Variants in DMD observed in about 807,000 individuals in gnomAD.
DMD encodes dystrophin, also known as mutant dystrophin.
In DMD, 63 loss-of-function variants were observed where a neutral mutation model predicts 330.1. The observed-to-expected ratio is 0.19, with a 90% confidence interval of 0.16 to 0.24. DMD has a LOEUF of 0.24. Among genes scored for constraint, DMD ranks in the 10% least tolerant of loss-of-function variants. DMD has a pLI of 1.00. For synonymous variants in DMD, 1,223 were observed against 959.8 expected (o/e 1.27, Z -5.07); for missense variants, 3,344 against 2,684.1 (o/e 1.25, Z -5.43).
In DMD at chrX:31,162,715, A is replaced by G. The variant is rs1336770907; in HGVS notation, c.10553+6728T>C. 2.7e-5 allele frequency among the ~76,000 whole-genome samples: 3 copies of G among 111,782 alleles called. No homozygotes were observed. In the East Asian group the frequency reaches 8.3e-4, roughly 31 times the overall value. ...AAAAAGCTTTAAGGCAACCTTGATA[A>G]CATTTTAATACAAGGCAGTTAAAAA... On this transcript the variant is annotated intron_variant, in intron 74 of 78. Coordinates refer to ENST00000357033, the MANE Select transcript of DMD (RefSeq NM_004006.3).
chrX:33,268,919 A>G (rs1282120467), intron 1 of DMD, among the ~76,000 whole-genome samples: 1 of 109,138 alleles, frequency 9.2e-6, no homozygotes, highest in Non-Finnish European at 1.9e-5. Context: ...AAAAAAAAAA[A>G]AAAAAAAAAA....
chrX:32,407,688 G>A (rs1228226462), intron 30 of DMD, among the ~76,000 whole-genome samples: 1 of 110,242 alleles, frequency 9.1e-6, no homozygotes, highest in Non-Finnish European at 1.9e-5. Context: ...GTTTATTGCG[G>A]CACTATTCTC....
chrX:31,770,439 T>A (rs922594111), intron 51 of DMD, among the ~76,000 whole-genome samples: 3 of 105,950 alleles, frequency 2.8e-5, no homozygotes, highest in African/African-American at 1.0e-4. Flanking sequence ...ATTCCTCTGA[T>A]ATACTCTGTT....
At chrX:31,908,109 C>T (rs756060402) in intron 47 of DMD, among the ~76,000 whole-genome samples, 106 of 111,996 alleles carry the variant, frequency 9.5e-4, no homozygotes, top group African/African-American at 3.2e-3. Flanking sequence ...ACTTTCACAC[C>T]GTTGGTGGGA....
intron 30 of DMD, among the ~76,000 whole-genome samples, chrX:32,398,413 T>G (rs1054513684): frequency 5.4e-5 from 6 of 110,627 alleles, no homozygotes; most frequent in East Asian, 5.7e-4. Context: ...CCTTGACATA[T>G]GAGTTTTGTG....
At chrX:31,502,091 A>G (rs1371888569) in intron 56 of DMD, among the ~76,000 whole-genome samples, 1 of 111,500 alleles carries the variant, frequency 9.0e-6, no homozygotes, top group Non-Finnish European at 1.9e-5. Context: ...CTAGACCCCT[A>G]TCTCTCACCA....
intron 1 of DMD, among the ~76,000 whole-genome samples, chrX:33,232,554 A>G (rs909531931): frequency 1.8e-5 from 2 of 111,724 alleles, no homozygotes; most frequent in East Asian, 2.8e-4. Context: ...TTCAAGTTCA[A>G]CTTCACTTGG....
In DMD at chrX:32,310,071, T is replaced by C. The variant is rs1303288898; in HGVS notation, c.6117+11A>G. The C allele has an allele frequency of 2.5e-6, 3 of 1,201,603 alleles. No homozygotes were observed. Among genetic ancestry groups the C allele is most frequent in the African/African-American group, 1.7e-5 (1 of 57,495 alleles). On this transcript the variant is annotated intron_variant, in intron 42 of 78. Transcript: ENST00000357033. ...CCTTGTAAAATACGAATGAAAGTGC[T>C]TTGGTTTTACCTTCAGAGACTCCTC...
At chrX:32,632,624 T>C (rs1313052355) in intron 11 of DMD, among the ~76,000 whole-genome samples, 1 of 111,654 alleles carries the variant, frequency 9.0e-6, no homozygotes, top group Non-Finnish European at 1.9e-5. Context: ...ACTCTTGCAC[T>C]CTGTGCACCT....
At chrX:31,491,272 A>C (rs1271718399) in intron 57 of DMD, among the ~76,000 whole-genome samples, 1 of 112,344 alleles carries the variant, frequency 8.9e-6, no homozygotes, top group Non-Finnish European at 1.9e-5. Context: ...CTGATGTTTT[A>C]TTGCAGTTCT....
intron 60 of DMD, among the ~76,000 whole-genome samples, chrX:31,422,551 C>A (rs996135657): frequency 9.0e-6 from 1 of 111,699 alleles, no homozygotes; most frequent in Non-Finnish European, 1.9e-5. Context: ...TAAATGTTGA[C>A]GGGCAATGGT....
At chrX:32,242,084 A>T (rs2097210771) in intron 43 of DMD, among the ~76,000 whole-genome samples, 1 of 111,824 alleles carries the variant, frequency 8.9e-6, no homozygotes, top group Non-Finnish European at 1.9e-5. Flanking sequence ...TCCTTTTCTG[A>T]CATGGAGGCC....
At chrX:32,614,186 G>A (rs750957433) in intron 12 of DMD, 117 bp downstream of exon 12, 12 of 771,091 alleles carry the variant, frequency 1.6e-5, no homozygotes, top group Admixed American at 3.3e-5. Context: ...TTTAAAATAT[G>A]GCTGACTTTA....
At chrX:33,073,845 A>T (rs1314085278) in intron 1 of DMD, among the ~76,000 whole-genome samples, 1 of 103,057 alleles carries the variant, frequency 9.7e-6, no homozygotes, top group African/African-American at 4.1e-5. Context: ...ATAAATAAAT[A>T]AATAAATAAA....
At chrX:33,329,055 T>C (rs187215756) in intron 1 of DMD, among the ~76,000 whole-genome samples, 1 of 111,993 alleles carries the variant, frequency 8.9e-6, no homozygotes, top group East Asian at 2.8e-4. Flanking sequence ...AGTAAAACAT[T>C]TTAAAAATCA....
chrX:32,766,505 T>A (rs1180680297), intron 7 of DMD, among the ~76,000 whole-genome samples: 1 of 111,594 alleles, frequency 9.0e-6, no homozygotes, highest in Non-Finnish European at 1.9e-5. Context: ...ACTGCATCAC[T>A]GTTAGTGCAT....
chrX:33,014,473 C>A lies in DMD; in HGVS notation c.93+5666G>T, dbSNP rs907430003. On this transcript the variant is annotated intron_variant, in intron 2 of 78. Coordinates refer to ENST00000357033, the MANE Select transcript of DMD (RefSeq NM_004006.3). ...GGAAGTGGGAAGAAGTAGAAGAATG[C>A]AAAATGTTACGGAGATTGAATTTCT... Among the ~76,000 whole-genome samples the A allele has an allele frequency of 6.3e-5, 7 of 111,737 alleles. No individual in the cohort carries two copies. In the Admixed American group the frequency reaches 6.7e-4, roughly 11 times the overall value.
At chrX:31,494,497 C>T (rs1357671415) in intron 57 of DMD, among the ~76,000 whole-genome samples, 1 of 111,395 alleles carries the variant, frequency 9.0e-6, no homozygotes, top group Non-Finnish European at 1.9e-5. Context: ...GTGAAATTCA[C>T]GAAAGGTTAA....
At chrX:31,425,770 C>T (rs910557007) in intron 60 of DMD, among the ~76,000 whole-genome samples, 8 of 105,599 alleles carry the variant, frequency 7.6e-5, no homozygotes, top group East Asian at 3.3e-4. Flanking sequence ...TTGTTGTCTG[C>T]GGATATGTTG....
Sources: gnomAD v4.1 joint callset for allele counts (sites outside exome capture counted in the v4.1 genomes callset) on GRCh38, gnomAD v4.1.1 for gene constraint, MANE v1.5 for transcripts, NCBI Gene and HGNC (gene_info 2026-07-23, HGNC 2026-07-21) for gene names.